The following DSTYK variants were observed in gnomAD, a reference collection of about 807,000 sequenced individuals.
DSTYK encodes RIP-homologous kinase.
Under a neutral mutation model 98.7 loss-of-function variants are expected in DSTYK, and 34 were observed. That is an observed-to-expected ratio of 0.34 (90% confidence interval 0.26 to 0.46). The LOEUF (loss-of-function observed/expected upper bound fraction) is 0.46. DSTYK is among the 20% of genes least tolerant of loss of function. The probability of loss-of-function intolerance (pLI) is 1.00; values close to 1 mark genes in which losing one functional copy is unlikely to be tolerated. For synonymous variants in DSTYK, 462 were observed against 457.3 expected, an observed-to-expected ratio of 1.01 and a Z score of -0.13; for missense variants, 962 against 1,181.7, an observed-to-expected ratio of 0.81 and a Z score of 2.73.
At position 205,143,402 on chromosome 1, in the gene DSTYK, T is replaced by C. The variant is rs1243453982; in HGVS notation, c.*4156A>G. 1 of 152,144 alleles carries C rather than the reference T, an allele frequency of 6.6e-6. No homozygotes were observed. Among genetic ancestry groups the C allele is most frequent in the East Asian group, 1.9e-4 (1 of 5,184 alleles). 9.4% of individuals were successfully genotyped at this position (152,144 alleles called of 1,614,324 possible). A position where few individuals can be genotyped will look rare whatever the true frequency, so the allele number is the denominator to read the frequency against. On this transcript the variant is annotated 3_prime_UTR_variant, in exon 13 of 13. Transcript: ENST00000367162. ...CCTCAGGTTTTAAAAAGTGGGTTAC[T>C]TGATCCAGAAAATCCAAAAGCTTTG...
intron 10 of DSTYK, among the ~76,000 whole-genome samples, chr1:205,155,954 TA>T (rs1362156942): frequency 6.6e-6 from 1 of 152,308 alleles, no homozygotes; most frequent in East Asian, 1.9e-4. Context: ...CAGCTGTGGC[TA>T]AAAGGGGCCA....
intron 1 of DSTYK, among the ~76,000 whole-genome samples, chr1:205,188,775 G>A (rs2369634): frequency 0.9 from 136,981 of 152,278 alleles, 61,651 homozygotes; most frequent in East Asian, 1. Flanking sequence ...TCTCTCTGAT[G>A]GCTGGTGACA....
intron 2 of DSTYK, among the ~76,000 whole-genome samples, chr1:205,173,718 C>T (rs114063211): frequency 0.017 from 2,623 of 151,574 alleles, 85 homozygotes; most frequent in African/African-American, 0.059. Context: ...AAGACCAATA[C>T]GGTTGTTTTT....
intron 1 of DSTYK, among the ~76,000 whole-genome samples, chr1:205,190,779 C>A (rs956976824): frequency 3.3e-5 from 5 of 152,168 alleles, no homozygotes; most frequent in Non-Finnish European, 7.3e-5. Context: ...CCCAGATTTT[C>A]ACATAAGTGT....
At chr1:205,183,088 A>AG (rs1212262226) in intron 2 of DSTYK, among the ~76,000 whole-genome samples, 2 of 151,210 alleles carry the variant, frequency 1.3e-5, no homozygotes, top group African/African-American at 4.9e-5. Context: ...AAGCACACAC[A>AG]CACACACACA....
At position 205,160,107 on chromosome 1, in the gene DSTYK, G is replaced by A. The variant is rs1657672206; in HGVS notation, c.2105+7C>T. 1 of 1,613,902 alleles carries A rather than the reference G, an allele frequency of 6.2e-7. No individual in the cohort carries two copies. The highest frequency in any genetic ancestry group is 1.1e-5 in the South Asian group (1 of 91,076). ...TTCTCATAGAGATGAATGAGGCCAG[G>A]ACCCACCTCATATAGTGAAATTCCA... On this transcript the variant is annotated splice_region_variant and intron_variant, in intron 8 of 12. Transcript: ENST00000367162.
chr1:205,194,556 TTTTTA>T (rs1391983167), intron 1 of DSTYK, among the ~76,000 whole-genome samples: 1,251 of 33,526 alleles, frequency 0.037, 22 homozygotes, highest in African/African-American at 0.2. Flanking sequence ...TTTTTTTTTT[TTTTTA>T]AAATAGAGAT....
chr1:205,146,235 T>G lies in DSTYK; in HGVS notation c.*1323A>C, dbSNP rs1221888018. 6.6e-6 allele frequency: 1 copy of G among 152,192 alleles called. No individual in the cohort carries two copies. Among genetic ancestry groups the G allele is most frequent in the African/African-American group, 2.4e-5 (1 of 41,426 alleles). 9.4% of individuals were successfully genotyped at this position (152,192 alleles called of 1,614,324 possible). ...ACACAAAAAGAAAAATTTCTGATTG[T>G]GTTAAGTTTTAAAAACAAGCTGGTT... On this transcript the variant is annotated 3_prime_UTR_variant, in exon 13 of 13. Transcript: ENST00000367162.
chr1:205,176,644 G>A (rs917191985), intron 2 of DSTYK, among the ~76,000 whole-genome samples: 9 of 151,462 alleles, frequency 5.9e-5, no homozygotes, highest in Admixed American at 4.6e-4. Flanking sequence ...ATCTCACTAA[G>A]TTGCCCAGGC....
chr1:205,196,758 ATTT>A (rs113524415), intron 1 of DSTYK, among the ~76,000 whole-genome samples: 2 of 109,856 alleles, frequency 1.8e-5, no homozygotes, highest in African/African-American at 3.7e-5. Flanking sequence ...AAAATGGTGA[ATTT>A]TTTTTTTTTT....
chr1:205,200,116 A>C (rs1658983664), intron 1 of DSTYK, among the ~76,000 whole-genome samples: 1 of 152,024 alleles, frequency 6.6e-6, no homozygotes, highest in South Asian at 2.1e-4. Context: ...GGCTGGTTGC[A>C]AACTTCGCCT....
At chr1:205,196,647 A>G (rs2102467345) in intron 1 of DSTYK, among the ~76,000 whole-genome samples, 1 of 152,206 alleles carries the variant, frequency 6.6e-6, no homozygotes, top group Middle Eastern at 3.4e-3. Flanking sequence ...AGGTTTTTTG[A>G]GAAACAGGGT....
intron 2 of DSTYK, among the ~76,000 whole-genome samples, chr1:205,172,723 C>T (rs1408753361): frequency 6.6e-6 from 1 of 152,082 alleles, no homozygotes; most frequent in Non-Finnish European, 1.5e-5. Context: ...CTTTAATTTG[C>T]CTGGCCACTT....
At chr1:205,184,564 T>G (rs1249152791) in intron 2 of DSTYK, among the ~76,000 whole-genome samples, 4 of 151,970 alleles carry the variant, frequency 2.6e-5, no homozygotes, top group African/African-American at 9.7e-5. Flanking sequence ...AGAGTGAGAC[T>G]CCATCTCAAA....
chr1:205,160,919 G>C lies in DSTYK; in HGVS notation c.1948+339C>G, dbSNP rs1027731762. 3.3e-5 allele frequency among the ~76,000 whole-genome samples: 5 copies of C among 151,242 alleles called. No homozygotes were observed. In the South Asian group the frequency reaches 1.0e-3, roughly 32 times the overall value. ...TGCCTGAGCCTCCTGAGGAGCTGGG[G>C]TTGCAAAGTGCCACCACGCCCAGCT... On this transcript the variant is annotated intron_variant, in intron 7 of 12. Coordinates refer to ENST00000367162, the MANE Select transcript of DSTYK (RefSeq NM_015375.3).
chr1:205,156,976 T>C (rs1353357635), intron 10 of DSTYK, among the ~76,000 whole-genome samples: 1 of 152,182 alleles, frequency 6.6e-6, no homozygotes, highest in Non-Finnish European at 1.5e-5. Flanking sequence ...CTTTACCCCC[T>C]TTTGTTCAGT....
At chr1:205,199,190 G>A (rs1312806873) in intron 1 of DSTYK, among the ~76,000 whole-genome samples, 2 of 152,134 alleles carry the variant, frequency 1.3e-5, no homozygotes, top group African/African-American at 2.4e-5. Context: ...TCAGGGAATG[G>A]AAGCATGTTA....
At chr1:205,156,540 T>C (rs1657566791) in intron 10 of DSTYK, among the ~76,000 whole-genome samples, 1 of 152,220 alleles carries the variant, frequency 6.6e-6, no homozygotes, top group East Asian at 1.9e-4. Context: ...ACCTTTGTTT[T>C]GGCCAATTTC....
chr1:205,181,489 G>A (rs1658394721), intron 2 of DSTYK, among the ~76,000 whole-genome samples: 1 of 151,934 alleles, frequency 6.6e-6, no homozygotes. Flanking sequence ...TGAGTAGCTG[G>A]GGTTACAGGT....
Sources: gnomAD v4.1 joint callset for allele counts (sites outside exome capture counted in the v4.1 genomes callset) on GRCh38, gnomAD v4.1.1 for gene constraint, MANE v1.5 for transcripts, NCBI Gene and HGNC (gene_info 2026-07-23, HGNC 2026-07-21) for gene names.